The following RNF213 variants were observed in gnomAD, a reference collection of about 807,000 sequenced individuals.
RNF213 encodes the protein ring finger protein 213, also known as E3 ubiquitin-protein ligase RNF213.
A neutral mutation model predicts 514.4 loss-of-function variants in RNF213; 341 were observed. The ratio of observed to expected loss-of-function variants is 0.66; its 90% CI spans 0.61 to 0.73. The LOEUF is 0.73. Ranked by LOEUF, RNF213 falls within the 30% of genes least tolerant of loss-of-function variation. The probability of loss-of-function intolerance (pLI) is 0.00; values close to 1 mark genes in which losing one functional copy is unlikely to be tolerated. For missense variants in RNF213, 5,767 were observed against 6,615.6 expected (o/e 0.87, Z 4.45); for synonymous variants, 2,655 against 2,658.2 (o/e 1.00, Z 0.04).
At chr17:80,302,465 C>T (rs965063364) in intron 11 of RNF213, among the ~76,000 whole-genome samples, 5 of 152,024 alleles carry the variant, frequency 3.3e-5, no homozygotes, top group African/African-American at 4.8e-5. Context: ...AAAATGTATT[C>T]TCTGTATGCA....
rs185530330 is a variant in RNF213, at chr17:80,280,550, C to T, written c.261+7146C>T. On this transcript the variant is annotated intron_variant, in intron 3 of 67. Transcript: ENST00000582970. ...CTCACTGCAGCCTTGACTTCCTGGG[C>T]TCAAGCAATCCTCGTGCCTCAGCCT... Among the ~76,000 whole-genome samples, 522 of 152,222 alleles carry T rather than the reference C, an allele frequency of 3.4e-3. 2 individuals are homozygous for T. The highest frequency in any genetic ancestry group is 6.2e-3 in the Non-Finnish European group (422 of 67,996).
At chr17:80,381,318 A>G (rs760081382) in intron 56 of RNF213, 18 of 614,858 alleles carry the variant, frequency 2.9e-5, no homozygotes, top group Non-Finnish European at 5.2e-5. Flanking sequence ...CATAACCAAG[A>G]TGGCCAACAG....
In RNF213 at chr17:80,367,811, T is replaced by C; in HGVS notation, c.11935T>C (p.Cys3979Arg). Residue 3979 changes from cysteine to arginine, a missense_variant, in exon 43 of 68, where the codon TGT (cysteine) becomes CGT (arginine). This residue lies in a region of RNF213 where 355 missense variants were observed against 358.0 expected (regional missense o/e 0.99). Transcript: ENST00000582970. ...TTTTGAGGCCGTGATGCGCACTCTC[T>C]GTGAATGCAAGGAGACAGCCAGCAA... Reference protein sequence around the residue: ...GPFEAVMRTLCECKETASKTL... With the variant: ...GPFEAVMRTLRECKETASKTL... The C allele has an allele frequency of 1.2e-6, 2 of 1,614,254 alleles. No homozygotes were observed. The highest frequency in any genetic ancestry group is 8.5e-7 in the Non-Finnish European group (1 of 1,180,034).
intron 29 of RNF213, 43 bp downstream of exon 29, chr17:80,348,329 A>G (rs367812816): frequency 2.5e-5 from 40 of 1,602,366 alleles, no homozygotes; most frequent in Admixed American, 3.3e-5. Flanking sequence ...CTGTCACCCA[A>G]GAGTCCTAAA....
At chr17:80,289,024 C>T (rs905827910) in intron 5 of RNF213, among the ~76,000 whole-genome samples, 1 of 152,156 alleles carries the variant, frequency 6.6e-6, no homozygotes, top group African/African-American at 2.4e-5. Context: ...CCGGGCGAGG[C>T]CTCTCTTAGG....
At chr17:80,277,043 G>A (rs1171452487) in intron 3 of RNF213, among the ~76,000 whole-genome samples, 5 of 150,830 alleles carry the variant, frequency 3.3e-5, no homozygotes, top group Admixed American at 1.3e-4. Context: ...GCAACAGAGC[G>A]AGACTCACTC....
chr17:80,339,584 G>C lies in RNF213; in HGVS notation c.5217G>C (p.Arg1739Ser), dbSNP rs761318347. 2 of 1,537,068 alleles carry C rather than the reference G, an allele frequency of 1.3e-6. No homozygotes were observed. Among genetic ancestry groups the C allele is most frequent in the African/African-American group, 2.7e-5 (2 of 73,014 alleles). Residue 1739 changes from arginine to serine, a missense_variant, in exon 26 of 68, where the codon AGG becomes AGC. Physicochemically the swap from Arg to Ser is moderately radical, Grantham distance 110 (BLOSUM62 -1). Transcript: ENST00000582970. ...LSFIKSNCTL[R>S]DVLRASVGCG... The stretch of plus-strand genomic sequence containing the variant: ...TCATCAAAAGCAACTGCACCCTGAG[G>C]GATGTCTTAAGGGCCTCTGTGGGGT...
rs1051952017 is a variant in RNF213, at chr17:80,343,093, C to T, written c.5990-39C>T. 9.0e-5 allele frequency: 139 copies of T among 1,550,862 alleles called. No individual in the cohort carries two copies. The highest frequency in any genetic ancestry group is 1.2e-4 in the Non-Finnish European group (137 of 1,123,134). On this transcript the variant is annotated intron_variant, in intron 26 of 67. Coordinates refer to ENST00000582970, the MANE Select transcript of RNF213 (RefSeq NM_001256071.3). This position sits in a 1 kb window ranked among gnomAD's most constrained non-coding sequence, Gnocchi z 4.3. ...AAAGTGCTAGGATTACAGGTGTGAGCCACCACTCCCAGCCCTAATTTCTGT... is the reference window on the plus strand; with the variant it reads ...AAAGTGCTAGGATTACAGGTGTGAGTCACCACTCCCAGCCCTAATTTCTGT...
At chr17:80,335,323 G>C (rs764127762) in intron 22 of RNF213, among the ~76,000 whole-genome samples, 22 of 152,166 alleles carry the variant, frequency 1.4e-4, no homozygotes, top group Non-Finnish European at 2.2e-4. Flanking sequence ...GCAGAGGAGA[G>C]AGGAAGAGGC....
rs1473796657 is a variant in RNF213 at position 80,386,830 on chromosome 17, A to G, written c.14861A>G (p.Glu4954Gly). Residue 4954 changes from glutamate to glycine, a missense_variant, in exon 63 of 68, where the codon GAG (glutamate) becomes GGG (glycine). This residue lies in a region of RNF213 where 1,245 missense variants were observed against 1,339.0 expected (regional missense o/e 0.93). Transcript: ENST00000582970. ...GAGACCGTGCAGGAGTTCGATCTGG[A>G]GAAGATTCAGCGGCAGATCGTCAGC... ...GRETVQEFDL[E>G]KIQRQIVSRF... is the part of the protein sequence containing the mutation. 1 of 1,614,188 alleles carries G rather than the reference A, an allele frequency of 6.2e-7. No homozygotes were observed. Among genetic ancestry groups the G allele is most frequent in the Admixed American group, 1.7e-5 (1 of 60,032 alleles).
chr17:80,352,673 A>G (rs1342827322), intron 32 of RNF213: 5 of 623,922 alleles, frequency 8.0e-6, no homozygotes, highest in African/African-American at 5.5e-5. Context: ...CACAGGCCTT[A>G]TCCATGCGTC....
chr17:80,376,629 A>C, intron 52 of RNF213, 86 bp downstream of exon 52: 1 of 1,572,622 alleles, frequency 6.4e-7, no homozygotes, highest in Non-Finnish European at 8.7e-7. Flanking sequence ...AGCTGTGGGA[A>C]CTCTTGAGCA....
intron 6 of RNF213, among the ~76,000 whole-genome samples, 167 bp from the exon 7 acceptor site, chr17:80,290,403 T>TTG (rs978048850): frequency 4.4e-5 from 6 of 137,222 alleles, no homozygotes; most frequent in Middle Eastern, 3.3e-3. Context: ...GTACGTGTGC[T>TTG]TGTGTGTGTG....
chr17:80,337,008 C>T (rs2078005361), intron 23 of RNF213: 1 of 165,028 alleles, frequency 6.1e-6, no homozygotes, highest in Non-Finnish European at 1.3e-5. Context: ...GGGCCAGCCT[C>T]CGGACGGCTG....
intron 39 of RNF213, among the ~76,000 whole-genome samples, chr17:80,362,225 A>G (rs1174750923): frequency 1.3e-5 from 2 of 152,218 alleles, no homozygotes; most frequent in African/African-American, 2.4e-5. Flanking sequence ...GGTAAGAATA[A>G]ACAAGTGAAA....
At position 80,346,844 on chromosome 17, in the gene RNF213, TAC is replaced by T; in HGVS notation, c.8510_8511del (p.Tyr2837CysfsTer8). 6.2e-7 allele frequency: 1 copy of T among 1,614,104 alleles called. No homozygotes were observed. Among genetic ancestry groups the T allele is most frequent in the South Asian group, 1.1e-5 (1 of 91,072 alleles). On this transcript the variant is annotated frameshift_variant, in exon 29 of 68. Coordinates refer to ENST00000582970, the MANE Select transcript of RNF213 (RefSeq NM_001256071.3). LOFTEE classifies it high-confidence loss of function. This position sits in a 1 kb window ranked among gnomAD's most constrained non-coding sequence, Gnocchi z 8.1. ...TCAGCAGGGGAAGGACCTGCAGCAG[TAC>T]GTCTCTGTGGTGGTGTTAGATGAGG... ...RFQQGKDLQQ[Y>X]VSVVVLDEVG...
In RNF213 at chr17:80,290,573, G is replaced by A. The variant is rs112602766; in HGVS notation, c.1116G>A (p.Thr372=). 4 of 1,613,728 alleles carry A rather than the reference G, an allele frequency of 2.5e-6. No individual in the cohort carries two copies. Among genetic ancestry groups the A allele is most frequent in the Admixed American group, 1.7e-5 (1 of 60,006 alleles). The change falls in exon 7 of 68, where the codon ACG becomes ACA. Residue 372 remains threonine, a synonymous_variant. Transcript: ENST00000582970. Reference sequence around the variant, plus strand: ...TTCTGTTTTGGTTTTCCACCAGCACGCTGAGCCCGGGTGGAGGAGTCACCG... The same window carrying A: ...TTCTGTTTTGGTTTTCCACCAGCACACTGAGCCCGGGTGGAGGAGTCACCG... The part of the protein sequence containing the change: ...EADVQEVKAS[T]LSPGGGVTVF...
At chr17:80,359,638 A>G (rs1259214350) in intron 37 of RNF213, among the ~76,000 whole-genome samples, 1 of 151,796 alleles carries the variant, frequency 6.6e-6, no homozygotes, top group Non-Finnish European at 1.5e-5. Flanking sequence ...AGAAAGAGTG[A>G]GAGAAAGAAA....
chr17:80,286,287 G>T lies in RNF213; in HGVS notation c.262-1528G>T, dbSNP rs991014918. 2.0e-5 allele frequency among the ~76,000 whole-genome samples: 3 copies of T among 152,242 alleles called. No homozygotes were observed. In the East Asian group the frequency reaches 5.8e-4, roughly 29 times the overall value. ...GAGATGTTATGGGTCGGAGGGTCGG[G>T]GGGTGGGGGCGCCTCCTGTGCTTTG... On this transcript the variant is annotated intron_variant, in intron 3 of 67. Coordinates refer to ENST00000582970, the MANE Select transcript of RNF213 (RefSeq NM_001256071.3).
Sources: gnomAD v4.1 joint callset for allele counts (sites outside exome capture counted in the v4.1 genomes callset) on GRCh38, gnomAD v4.1.1 for gene constraint, gnomAD v4.1.1 regional missense constraint, Gnocchi (gnomAD v3.1) non-coding constraint, MANE v1.5 for transcripts, NCBI Gene and HGNC (gene_info 2026-07-23, HGNC 2026-07-21) for gene names.